SLC35F1: variants seen among roughly 807,000 people sequenced by gnomAD.
The protein encoded by SLC35F1 is solute carrier family 35 member F1.
A neutral mutation model predicts 48.7 loss-of-function variants in SLC35F1; 14 were observed. The ratio of observed to expected loss-of-function variants is 0.29; its 90% confidence interval spans 0.19 to 0.45. SLC35F1 has a LOEUF of 0.45. Ranked by LOEUF, SLC35F1 falls within the 20% of genes least tolerant of loss-of-function variation. SLC35F1 has a pLI of 1.00. For synonymous variants in SLC35F1, 190 were observed against 202.2 expected (o/e 0.94, Z 0.51); for missense variants, 404 against 500.0 (o/e 0.81, Z 1.83).
intron 1 of SLC35F1, among the ~76,000 whole-genome samples, chr6:117,920,614 C>A (rs951008982): frequency 6.6e-6 from 1 of 152,134 alleles, no homozygotes; most frequent in African/African-American, 2.4e-5. Flanking sequence ...AGTTAGAGCA[C>A]CCATTGAGTG....
chr6:118,050,880 G>T (rs1202174589), intron 1 of SLC35F1, among the ~76,000 whole-genome samples: 2 of 152,096 alleles, frequency 1.3e-5, no homozygotes, highest in African/African-American at 4.8e-5. Context: ...GATGGAGAGG[G>T]AACACAAGGA....
intron 1 of SLC35F1, among the ~76,000 whole-genome samples, chr6:118,006,354 T>C (rs1387509506): frequency 2.0e-5 from 3 of 152,254 alleles, no homozygotes; most frequent in African/African-American, 7.2e-5. Flanking sequence ...TGGTGGCACA[T>C]ACCTGTAATC....
At chr6:118,099,395 G>T (rs1773224571) in intron 1 of SLC35F1, among the ~76,000 whole-genome samples, 1 of 152,132 alleles carries the variant, frequency 6.6e-6, no homozygotes, top group Admixed American at 6.6e-5. Context: ...TGTCAGCTAT[G>T]GAAGGTATAT....
rs1366769022 is a variant in SLC35F1 at position 118,233,602 on chromosome 6, A to G, written c.350-1907A>G. On this transcript the variant is annotated intron_variant, in intron 2 of 7. Coordinates refer to ENST00000360388, the MANE Select transcript of SLC35F1 (RefSeq NM_001029858.4). ...ACTTAGCTAACCCTTGCTATATGTC[A>G]GTATGCTAGAGGCTATGGATAAGTA... Among the ~76,000 whole-genome samples the G allele has an allele frequency of 2.0e-5, 3 of 152,316 alleles. No individual in the cohort carries two copies. In the East Asian group the frequency reaches 5.8e-4, roughly 29 times the overall value.
At chr6:117,970,078 G>A (rs1170835900) in intron 1 of SLC35F1, among the ~76,000 whole-genome samples, 1 of 152,196 alleles carries the variant, frequency 6.6e-6, no homozygotes, top group Non-Finnish European at 1.5e-5. Flanking sequence ...TAGTGATTTT[G>A]TCTGAATTTG....
intron 1 of SLC35F1, among the ~76,000 whole-genome samples, chr6:118,130,955 C>T (rs972370971): frequency 1.3e-5 from 2 of 152,118 alleles, no homozygotes; most frequent in African/African-American, 4.8e-5. Flanking sequence ...CTTCAGAATA[C>T]TTTACAATCT....
intron 2 of SLC35F1, among the ~76,000 whole-genome samples, chr6:118,169,131 A>G (rs1774362452): frequency 6.6e-6 from 1 of 152,238 alleles, no homozygotes; most frequent in Non-Finnish European, 1.5e-5. Context: ...CTCTGATAGC[A>G]ACATTGCAAT....
At chr6:118,230,396 A>G (rs1038746947) in intron 2 of SLC35F1, among the ~76,000 whole-genome samples, 1 of 152,154 alleles carries the variant, frequency 6.6e-6, no homozygotes, top group Non-Finnish European at 1.5e-5. Flanking sequence ...TTGTTTGAAA[A>G]ATTAGAACCA....
chr6:118,080,771 T>C (rs1351118120), intron 1 of SLC35F1, among the ~76,000 whole-genome samples: 2 of 152,176 alleles, frequency 1.3e-5, no homozygotes, highest in Admixed American at 1.3e-4. Context: ...ATGCATCATC[T>C]CCTTGCAGGG....
At chr6:118,190,464 G>C (rs756275836) in intron 2 of SLC35F1, among the ~76,000 whole-genome samples, 2 of 151,830 alleles carry the variant, frequency 1.3e-5, no homozygotes, top group Admixed American at 6.6e-5. Context: ...TCCCCCTTTG[G>C]TCAGGTTCTT....
At chr6:118,115,164 C>T (rs962642277) in intron 1 of SLC35F1, among the ~76,000 whole-genome samples, 2 of 152,132 alleles carry the variant, frequency 1.3e-5, no homozygotes, top group African/African-American at 2.4e-5. Flanking sequence ...ATGAGCTTGT[C>T]GAAGTGCCCC....
At chr6:118,168,284 T>TC (rs1325370329) in intron 2 of SLC35F1, among the ~76,000 whole-genome samples, 2 of 151,654 alleles carry the variant, frequency 1.3e-5, no homozygotes, top group African/African-American at 4.8e-5. Flanking sequence ...AATATAATAT[T>TC]CCCCCCTTAT....
intron 1 of SLC35F1, among the ~76,000 whole-genome samples, chr6:118,035,039 A>G (rs375464929): frequency 2.0e-5 from 3 of 152,168 alleles, no homozygotes; most frequent in Non-Finnish European, 2.9e-5. Flanking sequence ...GACAATTTTG[A>G]TAAAGAATTT....
At chr6:117,908,003 G>T (rs970705354) in intron 1 of SLC35F1, 104 bp downstream of exon 1, 1 of 1,133,658 alleles carries the variant, frequency 8.8e-7, no homozygotes, top group Non-Finnish European at 1.1e-6. Context: ...TTGGGACGGG[G>T]TTGCGGCCGG....
chr6:118,144,148 T>C (rs1385083920), intron 1 of SLC35F1, among the ~76,000 whole-genome samples: 4 of 152,142 alleles, frequency 2.6e-5, no homozygotes. Context: ...GTATGTTCAG[T>C]GCAGCACTAT....
intron 2 of SLC35F1, among the ~76,000 whole-genome samples, chr6:118,200,790 T>C (rs565304120): frequency 4.6e-5 from 7 of 152,182 alleles, no homozygotes; most frequent in Non-Finnish European, 1.0e-4. Context: ...CATGTAGTCA[T>C]TCAGCACCCA....
chr6:118,109,345 T>C (rs1773367022), intron 1 of SLC35F1, among the ~76,000 whole-genome samples: 1 of 152,172 alleles, frequency 6.6e-6, no homozygotes, highest in East Asian at 1.9e-4. Context: ...CAATTCTAGC[T>C]CTCAGAATTC....
intron 4 of SLC35F1, among the ~76,000 whole-genome samples, chr6:118,267,665 GT>G (rs1454939097): frequency 6.6e-6 from 1 of 152,212 alleles, no homozygotes; most frequent in Non-Finnish European, 1.5e-5. Context: ...TTGAGGACTA[GT>G]TAGGAGTGCT....
intron 1 of SLC35F1, among the ~76,000 whole-genome samples, chr6:117,936,239 T>A (rs768835359): frequency 6.6e-6 from 1 of 152,206 alleles, no homozygotes; most frequent in Non-Finnish European, 1.5e-5. Context: ...TTCTGTTTCT[T>A]GTGAACACTG....
Sources: allele counts gnomAD v4.1 joint callset (sites outside exome capture counted in the v4.1 genomes callset), GRCh38; gene constraint gnomAD v4.1.1; transcripts MANE v1.5; gene names NCBI Gene and HGNC (gene_info 2026-07-23, HGNC 2026-07-21).